The following TSPAN3 variants were observed in gnomAD, a reference collection of about 807,000 sequenced individuals.
TSPAN3 encodes the protein tetraspanin-3.
In TSPAN3, 9 loss-of-function variants were observed where a neutral mutation model predicts 31.1. The observed-to-expected ratio is 0.29, with a 90% CI of 0.17 to 0.50. The LOEUF is 0.50. Among genes scored for constraint, TSPAN3 ranks in the 20% least tolerant of loss-of-function variants. The probability of loss-of-function intolerance (pLI) is 0.98; values close to 1 mark genes in which losing one functional copy is unlikely to be tolerated. For missense variants in TSPAN3, 252 were observed against 313.5 expected (o/e 0.80, Z 1.48); for synonymous variants, 129 against 114.3 (o/e 1.13, Z -0.82).
chr15:77,067,788 TAC>T (rs2076842431), intron 1 of TSPAN3: 1 of 152,242 alleles, frequency 6.6e-6, no homozygotes, highest in Admixed American at 6.5e-5. Flanking sequence ...TAAATTCTGG[TAC>T]AGTTTCTAAT....
At chr15:77,061,997 A>T (rs965040446) in intron 1 of TSPAN3, among the ~76,000 whole-genome samples, 1 of 152,208 alleles carries the variant, frequency 6.6e-6, no homozygotes, top group Non-Finnish European at 1.5e-5. Context: ...AAAAGTCAAG[A>T]AGTAAAAGAC....
intron 1 of TSPAN3, among the ~76,000 whole-genome samples, chr15:77,062,897 C>G (rs987560675): frequency 6.6e-6 from 1 of 152,058 alleles, no homozygotes; most frequent in Non-Finnish European, 1.5e-5. Context: ...GGAAAAAACA[C>G]ATATATCACA....
chr15:77,052,657 TA>T, intron 5 of TSPAN3, 119 bp downstream of exon 5: 1 of 1,195,708 alleles, frequency 8.4e-7, no homozygotes. Flanking sequence ...TAATTTACAG[TA>T]AAACAATATA....
intron 6 of TSPAN3, among the ~76,000 whole-genome samples, chr15:77,051,266 G>A (rs570916877): frequency 1.3e-5 from 2 of 151,994 alleles, no homozygotes; most frequent in South Asian, 2.1e-4. Context: ...GATGGCTCAC[G>A]TCTATAATCC....
At chr15:77,066,063 G>A (rs1245721142) in intron 1 of TSPAN3, among the ~76,000 whole-genome samples, 2 of 151,398 alleles carry the variant, frequency 1.3e-5, no homozygotes, top group African/African-American at 2.4e-5. Flanking sequence ...TTTCTAATAG[G>A]GTTTAAAAAA....
intron 1 of TSPAN3, among the ~76,000 whole-genome samples, chr15:77,059,758 A>T (rs954117702): frequency 7.2e-5 from 11 of 152,222 alleles, no homozygotes; most frequent in African/African-American, 2.4e-4. Flanking sequence ...GAATGAAAAT[A>T]AGAGAAAACT....
chr15:77,052,952 T>C, intron 4 of TSPAN3, 23 bp from the exon 5 acceptor site: 2 of 1,601,180 alleles, frequency 1.2e-6, no homozygotes, highest in Non-Finnish European at 1.7e-6. Context: ...AGAATAAGTA[T>C]TATTTCTCAC....
rs201141358 is a variant in TSPAN3, at chr15:77,056,120, T to A, written c.199A>T (p.Ile67Phe). 6.2e-7 allele frequency: 1 copy of A among 1,612,674 alleles called. No homozygotes were observed. Among genetic ancestry groups the A allele is most frequent in the African/African-American group, 1.3e-5 (1 of 74,900 alleles). Residue 67 changes from isoleucine to phenylalanine, a missense_variant, in exon 2 of 7, where the codon ATT becomes TTT. Physicochemically the swap from Ile to Phe is conservative, Grantham distance 21 (BLOSUM62 0). Transcript: ENST00000267970. ...IIAVGALLFI[I>F]GLIGCCATIR... The stretch of plus-strand genomic sequence containing the variant: ...GTGGCACAGCAGCCAATTAGCCCAA[T>A]GATGAAAAGCAGGGCTCCTACAGCT...
chr15:77,058,896 G>A (rs2076783942), intron 1 of TSPAN3, among the ~76,000 whole-genome samples: 1 of 152,064 alleles, frequency 6.6e-6, no homozygotes, highest in Admixed American at 6.6e-5. Flanking sequence ...ATTACATCTG[G>A]AATATGTTAA....
At chr15:77,052,489 C>CT in intron 5 of TSPAN3, 21 bp from the exon 6 acceptor site, 1 of 1,607,406 alleles carries the variant, frequency 6.2e-7, no homozygotes. Context: ...CACAGTCATC[C>CT]TCGTTAGAAG....
chr15:77,054,100 C>A, intron 4 of TSPAN3, 78 bp downstream of exon 4: 2 of 1,014,846 alleles, frequency 2.0e-6, no homozygotes, highest in Admixed American at 1.8e-5. Context: ...GGCTAATTTA[C>A]ACAGAAATAG....
At position 77,046,864 on chromosome 15, in the gene TSPAN3, G is replaced by A. The variant is rs2076695559; in HGVS notation, c.733C>T (p.Leu245Phe). 1.3e-6 allele frequency: 2 copies of A among 1,594,366 alleles called. No homozygotes were observed. The highest frequency in any genetic ancestry group is 1.7e-5 in the Admixed American group (1 of 58,438). ...GCATAGGTTCCGCCAGTGATGAGGA[G>A]CTCGTAAGCAGGATCTCTACTCCTT... Reference protein sequence around the residue: ...CRRSRDPAYELLITGGTYA With the variant: ...CRRSRDPAYEFLITGGTYA Residue 245 changes from leucine (L) to phenylalanine (F), a missense_variant, in exon 7 of 7, where the codon CTC (leucine) becomes TTC (phenylalanine). Transcript: ENST00000267970.
At chr15:77,048,507 C>A (rs944345851) in intron 6 of TSPAN3, among the ~76,000 whole-genome samples, 2 of 151,950 alleles carry the variant, frequency 1.3e-5, no homozygotes, top group Admixed American at 1.3e-4. Context: ...GATTTTAAAA[C>A]AAATAAACTT....
chr15:77,070,617 A>G (rs2152698592), intron 1 of TSPAN3, among the ~76,000 whole-genome samples: 1 of 152,056 alleles, frequency 6.6e-6, no homozygotes, highest in Admixed American at 6.5e-5. Context: ...GCACGGAGCC[A>G]GCCCGCGTGG....
intron 1 of TSPAN3, among the ~76,000 whole-genome samples, chr15:77,065,882 T>TC (rs747381688): frequency 6.6e-6 from 1 of 152,126 alleles, no homozygotes; most frequent in Non-Finnish European, 1.5e-5. Context: ...TTGCGGTACT[T>TC]CCCCCACTCT....
In TSPAN3 at chr15:77,044,925, G is replaced by C. The variant is rs1166199524; in HGVS notation, c.*1910C>G. ...CCCACTGTGCAACAGGCAGGGGCAAGAGGTGGGATGGGTCAGTAGTCACAT... is the reference window on the plus strand; with the variant it reads ...CCCACTGTGCAACAGGCAGGGGCAACAGGTGGGATGGGTCAGTAGTCACAT... On this transcript the variant is annotated 3_prime_UTR_variant, in exon 7 of 7. Transcript: ENST00000267970. The C allele has an allele frequency of 6.6e-6, 1 of 152,288 alleles. No homozygotes were observed. Among genetic ancestry groups the C allele is most frequent in the African/African-American group, 2.4e-5 (1 of 41,558 alleles). The allele number at this position is 152,288 out of a possible 1,614,324, so 9.4% of individuals were successfully genotyped here. A position where few individuals can be genotyped will look rare whatever the true frequency, so the allele number is the denominator to read the frequency against.
intron 1 of TSPAN3, chr15:77,063,882 T>C (rs1003403292): frequency 2.6e-5 from 4 of 152,194 alleles, no homozygotes; most frequent in Non-Finnish European, 4.4e-5. Flanking sequence ...GAAATTTAAA[T>C]ATGCATTTTC....
chr15:77,060,494 A>G (rs935750849), intron 1 of TSPAN3, among the ~76,000 whole-genome samples: 6 of 152,248 alleles, frequency 3.9e-5, no homozygotes. Context: ...AACATGGGAA[A>G]CAGTATAGTA....
At chr15:77,070,746 C>T (rs376361251) in intron 1 of TSPAN3, 146 bp downstream of exon 1, 1 of 239,170 alleles carries the variant, frequency 4.2e-6, no homozygotes, top group Non-Finnish European at 6.7e-6. Context: ...GCCTCACACC[C>T]GGCCCTCCCC....
Sources: gnomAD v4.1 joint callset for allele counts (sites outside exome capture counted in the v4.1 genomes callset) on GRCh38, gnomAD v4.1.1 for gene constraint, MANE v1.5 for transcripts, NCBI Gene and HGNC (gene_info 2026-07-23, HGNC 2026-07-21) for gene names.